The following ERC2 variants were observed in gnomAD, a reference collection of about 807,000 sequenced individuals.
ERC2 encodes ERC protein 2.
In ERC2, 42 loss-of-function variants were observed where a neutral mutation model predicts 114.8. That is an observed-to-expected ratio of 0.37 (90% CI 0.29 to 0.47). The LOEUF is 0.47. Ranked by LOEUF, ERC2 falls within the 20% of genes least tolerant of loss-of-function variation. The probability of loss-of-function intolerance (pLI) is 0.99; values close to 1 mark genes in which losing one functional copy is unlikely to be tolerated. For missense variants in ERC2, 939 were observed against 1,150.7 expected (o/e 0.82, Z 2.66); for synonymous variants, 454 against 425.5 (o/e 1.07, Z -0.82).
intron 2 of ERC2, among the ~76,000 whole-genome samples, chr3:56,359,850 G>A (rs1015590582): frequency 1.3e-5 from 2 of 151,770 alleles, no homozygotes; most frequent in Non-Finnish European, 2.9e-5. Context: ...CAGCTCTCAT[G>A]AAAACTAACA....
chr3:56,217,312 G>A (rs1360376481), intron 3 of ERC2, among the ~76,000 whole-genome samples: 2 of 152,166 alleles, frequency 1.3e-5, no homozygotes, highest in Non-Finnish European at 2.9e-5. Flanking sequence ...CAAAATCAAT[G>A]TGCAAAAATC....
chr3:55,730,212 A>G (rs937313), intron 15 of ERC2, among the ~76,000 whole-genome samples: 11 of 151,856 alleles, frequency 7.2e-5, no homozygotes, highest in Admixed American at 5.9e-4. Context: ...GCTGCACCAG[A>G]TATGAGTGGT....
Position 55,734,815 on chromosome 3 carries a change from G to A in ERC2, c.2668C>T (p.Leu890Phe). 6.2e-7 allele frequency: 1 copy of A among 1,613,096 alleles called. No homozygotes were observed. Among genetic ancestry groups the A allele is most frequent in the Non-Finnish European group, 8.5e-7 (1 of 1,179,454 alleles). ...ACTAGTCGGTCTTTTTCCCGCTTGA[G>A]GGCCATGACTTCTTCCTGCGTCTTT... ...KKKTQEEVMA[L>F]KREKDRLVHQ... The change falls in exon 15 of 18, where the codon CTC becomes TTC. Residue 890 changes from leucine to phenylalanine, a missense_variant. This residue lies in a region of ERC2 where 328 missense variants were observed against 353.9 expected (regional missense o/e 0.93). Transcript: ENST00000288221.
intron 12 of ERC2, among the ~76,000 whole-genome samples, chr3:55,953,228 G>A (rs1183772955): frequency 6.6e-6 from 1 of 151,116 alleles, no homozygotes; most frequent in East Asian, 1.9e-4. Flanking sequence ...AAGAATGAGT[G>A]GCTGAGAAAA....
intron 14 of ERC2, among the ~76,000 whole-genome samples, chr3:55,803,665 T>C (rs2149107070): frequency 6.6e-6 from 1 of 152,240 alleles, no homozygotes; most frequent in South Asian, 2.1e-4. Context: ...CAGAGCTCAA[T>C]TTATAAATAT....
chr3:56,411,679 T>C (rs879412174), intron 2 of ERC2, among the ~76,000 whole-genome samples: 1 of 152,120 alleles, frequency 6.6e-6, no homozygotes, highest in Non-Finnish European at 1.5e-5. Flanking sequence ...ATGACACTAC[T>C]CTTTTTAGCA....
chr3:56,042,757 A>G (rs1345662828), intron 7 of ERC2, among the ~76,000 whole-genome samples: 1 of 152,156 alleles, frequency 6.6e-6, no homozygotes, highest in Non-Finnish European at 1.5e-5. Context: ...ACTGAATTTC[A>G]GATCATTTAT....
chr3:55,967,879 T>C (rs986328901), intron 12 of ERC2, among the ~76,000 whole-genome samples: 1 of 152,172 alleles, frequency 6.6e-6, no homozygotes, highest in African/African-American at 2.4e-5. Flanking sequence ...CTTTCTGCCT[T>C]TCTGCCTTTC....
chr3:56,173,799 C>A, intron 3 of ERC2: 1 of 366,382 alleles, frequency 2.7e-6, no homozygotes, highest in Non-Finnish European at 4.9e-6. Context: ...AAATACTGTT[C>A]AACACTGGGG....
intron 4 of ERC2, among the ~76,000 whole-genome samples, chr3:56,166,154 T>C (rs1403715641): frequency 6.6e-6 from 1 of 152,034 alleles, no homozygotes; most frequent in Non-Finnish European, 1.5e-5. Flanking sequence ...ATTATATTCA[T>C]TTTCTCCTTT....
chr3:55,921,890 G>T (rs9879068), intron 13 of ERC2, among the ~76,000 whole-genome samples: 13,769 of 152,046 alleles, frequency 0.091, 933 homozygotes, highest in East Asian at 0.24. Context: ...ATAACTAATA[G>T]TTTCCTAATT....
chr3:55,713,355 C>T (rs527982555), intron 15 of ERC2, among the ~76,000 whole-genome samples: 8 of 152,088 alleles, frequency 5.3e-5, no homozygotes, highest in African/African-American at 1.2e-4. Context: ...GGATTACCAG[C>T]GCCCGCCACC....
chr3:55,980,296 G>C (rs1357941348), intron 12 of ERC2, among the ~76,000 whole-genome samples: 1 of 152,002 alleles, frequency 6.6e-6, no homozygotes, highest in Non-Finnish European at 1.5e-5. Context: ...AATGTCGAAA[G>C]CATTTGTTAT....
chr3:55,947,217 A>T (rs4321501), intron 13 of ERC2, among the ~76,000 whole-genome samples: 150,247 of 152,328 alleles, frequency 0.99, 74,138 homozygotes, highest in Middle Eastern at 1. Flanking sequence ...CACTACTCCC[A>T]TAGATGAGTA....
intron 13 of ERC2, among the ~76,000 whole-genome samples, chr3:55,905,992 A>C (rs942572419): frequency 7.2e-5 from 11 of 152,130 alleles, no homozygotes; most frequent in Non-Finnish European, 1.3e-4. Context: ...ACTTTACTTA[A>C]GAATTTCCTT....
At chr3:55,700,159 C>T (rs991738362) in intron 15 of ERC2, among the ~76,000 whole-genome samples, 12 of 152,176 alleles carry the variant, frequency 7.9e-5, no homozygotes, top group African/African-American at 2.4e-4. Context: ...ATCCACGATG[C>T]CTGTCACATG....
intron 3 of ERC2, among the ~76,000 whole-genome samples, chr3:56,256,637 A>T (rs1226655554): frequency 6.6e-6 from 1 of 152,008 alleles, no homozygotes; most frequent in African/African-American, 2.4e-5. Flanking sequence ...CACAAATCTC[A>T]TCTTGAATTC....
chr3:56,227,922 T>C (rs2050359024), intron 3 of ERC2, among the ~76,000 whole-genome samples: 1 of 152,140 alleles, frequency 6.6e-6, no homozygotes, highest in African/African-American at 2.4e-5. Flanking sequence ...ATTCACATAA[T>C]GGGAAATTGC....
chr3:56,322,535 G>A (rs1043437512), intron 2 of ERC2, among the ~76,000 whole-genome samples: 1 of 152,190 alleles, frequency 6.6e-6, no homozygotes, highest in African/African-American at 2.4e-5. Flanking sequence ...AGCCAAGATG[G>A]AGTTGGAGAG....
Sources: allele counts gnomAD v4.1 joint callset (sites outside exome capture counted in the v4.1 genomes callset), GRCh38; gene constraint gnomAD v4.1.1; regional missense constraint gnomAD v4.1.1; transcripts MANE v1.5; gene names NCBI Gene and HGNC (gene_info 2026-07-23, HGNC 2026-07-21).